R3HDM2: variants seen among roughly 807,000 people sequenced by gnomAD.
The protein encoded by R3HDM2 is R3H domain containing 2.
R3HDM2 carries 38 observed loss-of-function variants against 124.5 expected under a neutral mutation model. That is an observed-to-expected ratio of 0.31 (90% CI 0.24 to 0.40). R3HDM2 has a LOEUF of 0.40. Ranked by LOEUF, R3HDM2 falls within the 10% of genes least tolerant of loss-of-function variation. The pLI is 1.00. For synonymous variants in R3HDM2, 391 were observed against 448.0 expected, an observed-to-expected ratio of 0.87 and a Z score of 1.61; for missense variants, 869 against 1,236.9, an observed-to-expected ratio of 0.70 and a Z score of 4.46.
intron 2 of R3HDM2, among the ~76,000 whole-genome samples, chr12:57,319,521 C>G (rs1043678177): frequency 1.7e-5 from 2 of 117,686 alleles, no homozygotes; most frequent in African/African-American, 5.5e-5. Context: ...GGTAGTTCCT[C>G]CCACCGGCCC....
intron 2 of R3HDM2, among the ~76,000 whole-genome samples, chr12:57,387,885 AGAAAACACAAT>A (rs2138579061): frequency 6.6e-6 from 1 of 152,348 alleles, no homozygotes; most frequent in South Asian, 2.1e-4. Context: ...TCACAGAGGG[AGAAAACACAAT>A]GAAAACAGTG....
At chr12:57,386,585 C>T (rs556825174) in intron 2 of R3HDM2, among the ~76,000 whole-genome samples, 1 of 151,582 alleles carries the variant, frequency 6.6e-6, no homozygotes, top group Admixed American at 6.5e-5. Context: ...CCTGAGCCTC[C>T]CTGACGAGCG....
intron 6 of R3HDM2, 121 bp downstream of exon 6, chr12:57,299,231 G>T: frequency 8.5e-7 from 1 of 1,180,634 alleles, no homozygotes; most frequent in Non-Finnish European, 1.2e-6. Context: ...ATCTCCTCAA[G>T]CAACCAAGTT....
At chr12:57,326,252 A>G (rs2057302643) in intron 2 of R3HDM2, among the ~76,000 whole-genome samples, 1 of 152,238 alleles carries the variant, frequency 6.6e-6, no homozygotes, top group Non-Finnish European at 1.5e-5. Flanking sequence ...TTCAAGTGAA[A>G]GGAAGAGTCA....
chr12:57,270,102 AC>A lies in R3HDM2; in HGVS notation c.1345-109del. The A allele has an allele frequency of 1.8e-5, 24 of 1,328,376 alleles. 1 individual carries two copies. The South Asian group carries it at 3.1e-4, about 17-fold the overall frequency. The allele number at this position is 1,328,376 out of a possible 1,614,324, so 82.3% of individuals were successfully genotyped here. On this transcript the variant is annotated intron_variant, in intron 14 of 23. Coordinates refer to ENST00000402412, the MANE Select transcript of R3HDM2 (RefSeq NM_001394031.1). ...AATGCTTTTTACAACCTTCTTTAAA[AC>A]AATGGGGGATAGTCCTACCTCTGTG... is the stretch of plus-strand genomic sequence containing the variant.
At chr12:57,326,783 C>G (rs1229840961) in intron 2 of R3HDM2, among the ~76,000 whole-genome samples, 1 of 152,176 alleles carries the variant, frequency 6.6e-6, no homozygotes, top group African/African-American at 2.4e-5. Context: ...CAGGCTGATT[C>G]TCTTGTTAGG....
At chr12:57,255,149 G>T (rs2038554362) in intron 23 of R3HDM2, 36 bp from the exon 24 acceptor site, 3 of 1,514,888 alleles carry the variant, frequency 2.0e-6, no homozygotes, top group South Asian at 1.3e-5. Flanking sequence ...GTTGTGAGAG[G>T]AATAGGACAG....
chr12:57,398,537 G>C (rs925824467), intron 1 of R3HDM2, among the ~76,000 whole-genome samples: 1 of 151,102 alleles, frequency 6.6e-6, no homozygotes, highest in Non-Finnish European at 1.5e-5. Context: ...CACACAGGCT[G>C]GAGTGCAGTG....
intron 17 of R3HDM2, 38 bp downstream of exon 17, chr12:57,268,884 G>A: frequency 6.2e-7 from 1 of 1,603,598 alleles, no homozygotes; most frequent in Non-Finnish European, 8.5e-7. Context: ...CTCATGCCAA[G>A]GACTGGGGTG....
chr12:57,266,331 A>G (rs886365320), intron 19 of R3HDM2, among the ~76,000 whole-genome samples: 1 of 150,934 alleles, frequency 6.6e-6, no homozygotes, highest in Non-Finnish European at 1.5e-5. Context: ...CCTGGGCTCA[A>G]GCGATCCACC....
At chr12:57,300,219 G>A in intron 4 of R3HDM2, 38 bp from the exon 5 acceptor site, 1 of 1,476,502 alleles carries the variant, frequency 6.8e-7, no homozygotes, top group Non-Finnish European at 9.3e-7. Context: ...TTTTTTTAAT[G>A]TATCTTATAT....
At chr12:57,272,099 T>C (rs1349774239) in intron 14 of R3HDM2, among the ~76,000 whole-genome samples, 1 of 152,178 alleles carries the variant, frequency 6.6e-6, no homozygotes, top group African/African-American at 2.4e-5. Flanking sequence ...AGAACCATTC[T>C]GTATAGAAGA....
At chr12:57,421,080 T>G (rs779866336) in intron 1 of R3HDM2, among the ~76,000 whole-genome samples, 6 of 151,938 alleles carry the variant, frequency 3.9e-5, no homozygotes, top group Non-Finnish European at 8.8e-5. Context: ...GAGCTCATCC[T>G]TCTCATTACC....
intron 2 of R3HDM2, among the ~76,000 whole-genome samples, chr12:57,385,489 A>G (rs553223008): frequency 4.6e-5 from 7 of 151,862 alleles, no homozygotes; most frequent in Admixed American, 4.6e-4. Flanking sequence ...CGATCCGCCC[A>G]CCTCAGCCTC....
At chr12:57,404,868 A>AT (rs1456231823) in intron 1 of R3HDM2, among the ~76,000 whole-genome samples, 1 of 152,002 alleles carries the variant, frequency 6.6e-6, no homozygotes, top group African/African-American at 2.4e-5. Flanking sequence ...TAAAATACAG[A>AT]TTTTACAAAA....
At chr12:57,300,574 T>A (rs2050896452) in intron 4 of R3HDM2, among the ~76,000 whole-genome samples, 1 of 152,230 alleles carries the variant, frequency 6.6e-6, no homozygotes, top group African/African-American at 2.4e-5. Context: ...CCTGGTTTTG[T>A]ACTTACAAGC....
intron 1 of R3HDM2, among the ~76,000 whole-genome samples, chr12:57,423,577 C>T (rs769160875): frequency 1.3e-5 from 2 of 151,202 alleles, no homozygotes; most frequent in Non-Finnish European, 2.9e-5. Context: ...TTTGGGAGGC[C>T]GAGGCGGGTG....
At chr12:57,418,250 A>G (rs2069840717) in intron 1 of R3HDM2, 1 of 985,268 alleles carries the variant, frequency 1.0e-6, no homozygotes, top group South Asian at 4.7e-5. Flanking sequence ...AAATTCTGGA[A>G]CCATCTCACA....
At chr12:57,331,363 C>G (rs1042373751) in intron 2 of R3HDM2, among the ~76,000 whole-genome samples, 1 of 152,178 alleles carries the variant, frequency 6.6e-6, no homozygotes, top group Non-Finnish European at 1.5e-5. Flanking sequence ...CTATCTCTTA[C>G]AAAACCCCAA....
Sources: gnomAD v4.1 joint callset for allele counts (sites outside exome capture counted in the v4.1 genomes callset) on GRCh38, gnomAD v4.1.1 for gene constraint, MANE v1.5 for transcripts, NCBI Gene and HGNC (gene_info 2026-07-23, HGNC 2026-07-21) for gene names.